Variants in PIH1D2 observed in about 807,000 individuals in gnomAD.
PIH1D2 encodes the protein PIH1 domain containing 2, also known as PIH1 domain-containing protein 2.
A neutral mutation model predicts 31.2 loss-of-function variants in PIH1D2; 25 were observed. The observed-to-expected ratio is 0.80, with a 90% CI of 0.58 to 1.12. The LOEUF is 1.12. PIH1D2 is among the 50% of genes most tolerant of loss of function. PIH1D2 has a pLI of 0.00. For synonymous variants in PIH1D2, 116 were observed against 119.9 expected (o/e 0.97, Z 0.21); for missense variants, 310 against 356.6 (o/e 0.87, Z 1.05).
chr11:112,060,561 TCTC>T (rs1366461077), downstream of PIH1D2, among the ~76,000 whole-genome samples: 2 of 152,024 alleles, frequency 1.3e-5, no homozygotes, highest in African/African-American at 4.8e-5. Context: ...TTCAAGCAAT[TCTC>T]CTACCTCTGC....
the PIH1D2 span, among the ~76,000 whole-genome samples, chr11:112,054,807 A>G: frequency 5.9e-5 from 9 of 152,208 alleles, no homozygotes; most frequent in Admixed American, 4.6e-4. Context: ...TCCAAAGACT[A>G]TAGAGAAGAA....
At chr11:112,057,491 C>A in the PIH1D2 span, among the ~76,000 whole-genome samples, 2 of 152,212 alleles carry the variant, frequency 1.3e-5, no homozygotes, top group South Asian at 4.1e-4. Context: ...TCCTGGTGAA[C>A]ACACGAATGA....
At chr11:112,055,235 ATTTTTTTTTTTT>A in the PIH1D2 span, among the ~76,000 whole-genome samples, 1 of 75,444 alleles carries the variant, frequency 1.3e-5, no homozygotes, top group Admixed American at 1.8e-4. Flanking sequence ...GTCAAGGCCT[ATTTTTTTTTTTT>A]TTTTTTTTTT....
Position 112,073,142 on chromosome 11 carries a change from T to C in PIH1D2, c.33A>G (p.Gln11=). Residue 11 remains glutamine, a synonymous_variant, in exon 2 of 6, where the codon CAA becomes CAG. Transcript: ENST00000280350. METSSKGLLT[Q]VTQFWNLLDD... ...CTAGGAGGTTCCAAAACTGAGTAAC[T>C]TGGGTAAGCAGACCTTTTGAGGATG... is the stretch of plus-strand genomic sequence containing the variant. 1.2e-6 allele frequency: 2 copies of C among 1,613,372 alleles called. No individual in the cohort carries two copies. Among genetic ancestry groups the C allele is most frequent in the Non-Finnish European group, 1.7e-6 (2 of 1,179,464 alleles).
At chr11:112,059,816 G>GA, downstream of PIH1D2, 1 of 1,226,750 alleles carries the variant, frequency 8.2e-7, no homozygotes, top group East Asian at 2.6e-5. Flanking sequence ...AAAAATTTTT[G>GA]AAGTAAATAT....
downstream of PIH1D2, chr11:112,062,361 A>C (rs782790896): frequency 1.9e-6 from 3 of 1,608,518 alleles, no homozygotes; most frequent in Non-Finnish European, 2.5e-6. Flanking sequence ...GCTGAAATGC[A>C]GTATTTTCTT....
downstream of PIH1D2, chr11:112,063,123 C>T (rs991978275): frequency 6.5e-6 from 1 of 153,222 alleles, no homozygotes; most frequent in Non-Finnish European, 1.5e-5. Flanking sequence ...TAGACCTCTT[C>T]AGCTGATTGT....
intron 5 of PIH1D2, chr11:112,069,831 T>C (rs1463081740): frequency 6.5e-6 from 1 of 152,796 alleles, no homozygotes; most frequent in African/African-American, 2.4e-5. Context: ...CATTTCTGAA[T>C]TGAGATGGTT....
Position 112,071,280 on chromosome 11 carries a change from G to T in PIH1D2, c.305C>A (p.Ala102Asp), listed in dbSNP as rs79969687. The part of the protein sequence containing the change: ...KPEDTTEISD[A>D]YTVIDVAYNP... ...GTAGGCAACATCAATGACTGTGTAA[G>T]CATCTGTGTGTGTAATTGAAAGGGT... is the stretch of plus-strand genomic sequence containing the variant. The change falls in exon 4 of 6, where the codon GCT becomes GAT. Residue 102 changes from alanine (A) to aspartate (D), a missense_variant. Physicochemically the swap from Ala to Asp is moderately radical, Grantham distance 126 (BLOSUM62 -2). Coordinates refer to ENST00000280350, the MANE Select transcript of PIH1D2 (RefSeq NM_138789.4). 4.3e-4 allele frequency: 699 copies of T among 1,609,634 alleles called. 2 individuals are homozygous for T. The African/African-American group carries it at 8.7e-3, about 20-fold the overall frequency.
chr11:112,064,883 C>T (rs1177285608), downstream of PIH1D2, among the ~76,000 whole-genome samples: 1 of 150,286 alleles, frequency 6.7e-6, no homozygotes, highest in East Asian at 1.9e-4. Context: ...CTGTGTCGCC[C>T]AGGCTGGAGT....
chr11:112,064,284 G>T, downstream of PIH1D2: 2 of 1,390,426 alleles, frequency 1.4e-6, no homozygotes, highest in Non-Finnish European at 1.9e-6. Flanking sequence ...ATTAATCTGA[G>T]CTATAATCTA....
chr11:112,055,695 G>A, the PIH1D2 span, among the ~76,000 whole-genome samples: 4 of 150,894 alleles, frequency 2.7e-5, no homozygotes, highest in South Asian at 2.1e-4. Flanking sequence ...TTCCTTTTCC[G>A]TGCTATGGCC....
chr11:112,068,761 G>A (rs1488033926), intron 5 of PIH1D2, among the ~76,000 whole-genome samples: 2 of 152,008 alleles, frequency 1.3e-5, no homozygotes, highest in Non-Finnish European at 2.9e-5. Flanking sequence ...TCCAGCCTGG[G>A]CAATAGAGTG....
At chr11:112,069,000 T>C (rs1289440429) in intron 5 of PIH1D2, among the ~76,000 whole-genome samples, 1 of 138,680 alleles carries the variant, frequency 7.2e-6, no homozygotes, top group Non-Finnish European at 1.5e-5. Context: ...TTTTTTTTGT[T>C]TTTTTTTTTT....
chr11:112,061,282 G>A (rs2135167660), downstream of PIH1D2: 1 of 1,157,450 alleles, frequency 8.6e-7, no homozygotes, highest in Non-Finnish European at 1.3e-6. Context: ...CAAATATCGT[G>A]ATCCACAATG....
chr11:112,067,685 A>AAAAAAATATATAT, downstream of PIH1D2: 11 of 17,796 alleles, frequency 6.2e-4, no homozygotes, highest in Admixed American at 9.5e-4. Context: ...AAAAAAAAAA[A>AAAAAAATATATAT]ATATATATAT....
chr11:112,059,567 A>G (rs1410188558), downstream of PIH1D2, among the ~76,000 whole-genome samples: 1 of 151,908 alleles, frequency 6.6e-6, no homozygotes, highest in African/African-American at 2.4e-5. Context: ...TAACTTTTGT[A>G]TTTTTGGTAG....
At chr11:112,068,987 T>G (rs1166354957) in intron 5 of PIH1D2, among the ~76,000 whole-genome samples, 3 of 140,222 alleles carry the variant, frequency 2.1e-5, no homozygotes, top group African/African-American at 9.2e-5. Flanking sequence ...TTTTTGTTTT[T>G]TTTTTTTTTT....
chr11:112,067,685 A>AAAAAT, downstream of PIH1D2: 1 of 17,806 alleles, frequency 5.6e-5, no homozygotes. Flanking sequence ...AAAAAAAAAA[A>AAAAAT]ATATATATAT....
Sources: allele counts gnomAD v4.1 joint callset (sites outside exome capture counted in the v4.1 genomes callset), GRCh38; gene constraint gnomAD v4.1.1; transcripts MANE v1.5; gene names NCBI Gene and HGNC (gene_info 2026-07-23, HGNC 2026-07-21).